Variants in NEK10 observed in about 807,000 individuals in gnomAD.
The protein encoded by NEK10 is NIMA related kinase 10.
A neutral mutation model predicts 159.8 loss-of-function variants in NEK10; 122 were observed. The ratio of observed to expected loss-of-function variants is 0.76; its 90% CI spans 0.66 to 0.89. The LOEUF (loss-of-function observed/expected upper bound fraction) is 0.89. NEK10 is among the 40% of genes least tolerant of loss of function. NEK10 has a pLI of 0.00. For synonymous variants in NEK10, 466 were observed against 457.1 expected (o/e 1.02, Z -0.25); for missense variants, 1,342 against 1,323.1 (o/e 1.01, Z -0.22).
chr3:27,259,266 T>C (rs2149340818), intron 22 of NEK10, among the ~76,000 whole-genome samples: 1 of 152,366 alleles, frequency 6.6e-6, no homozygotes, highest in Non-Finnish European at 1.5e-5. Flanking sequence ...CCATTGCTTT[T>C]GGTGTTTTAG....
intron 28 of NEK10, among the ~76,000 whole-genome samples, chr3:27,172,356 A>C (rs546960314): frequency 0.016 from 2,322 of 149,218 alleles, 75 homozygotes; most frequent in African/African-American, 0.055. Flanking sequence ...AAAAAAAAAA[A>C]AAACTTAAAA....
chr3:27,163,359 C>CTT (rs541857386), intron 29 of NEK10, among the ~76,000 whole-genome samples: 8 of 145,492 alleles, frequency 5.5e-5, no homozygotes, highest in Non-Finnish European at 1.2e-4. Context: ...ACCAATTTTT[C>CTT]TTTTTTTTTT....
At chr3:27,196,840 T>C (rs1949602404) in intron 25 of NEK10, among the ~76,000 whole-genome samples, 1 of 152,190 alleles carries the variant, frequency 6.6e-6, no homozygotes, top group African/African-American at 2.4e-5. Flanking sequence ...TTTAATGTAC[T>C]TTCCAAAAAA....
chr3:27,143,674 C>T (rs1944005202), intron 30 of NEK10, among the ~76,000 whole-genome samples: 1 of 152,022 alleles, frequency 6.6e-6, no homozygotes, highest in Admixed American at 6.6e-5. Context: ...ATTACGCATG[C>T]CCCTATAAAA....
intron 23 of NEK10, among the ~76,000 whole-genome samples, chr3:27,233,264 A>G (rs942714639): frequency 2.6e-5 from 4 of 152,068 alleles, no homozygotes; most frequent in Admixed American, 2.6e-4. Context: ...AAGAAGACAT[A>G]GAAACAACCA....
intron 28 of NEK10, among the ~76,000 whole-genome samples, chr3:27,174,082 T>G (rs1184669889): frequency 1.3e-5 from 2 of 152,198 alleles, no homozygotes; most frequent in East Asian, 3.8e-4. Flanking sequence ...CAGGACCAAT[T>G]TCTTCTACAG....
intron 5 of NEK10, among the ~76,000 whole-genome samples, chr3:27,324,798 C>A (rs1201295657): frequency 6.6e-6 from 1 of 152,186 alleles, no homozygotes; most frequent in Non-Finnish European, 1.5e-5. Flanking sequence ...AGAATAAAAA[C>A]CAAAGTCCAT....
chr3:27,255,970 T>G (rs1381654050), intron 23 of NEK10, among the ~76,000 whole-genome samples: 1 of 152,138 alleles, frequency 6.6e-6, no homozygotes, highest in African/African-American at 2.4e-5. Flanking sequence ...TCATGTTGGG[T>G]AGCATATCTA....
chr3:27,327,955 A>G (rs1184654560), intron 5 of NEK10, among the ~76,000 whole-genome samples: 1 of 151,696 alleles, frequency 6.6e-6, no homozygotes, highest in Non-Finnish European at 1.5e-5. Context: ...AAACAAGAAT[A>G]TATGTGAAGA....
At chr3:27,160,819 T>C (rs946727901) in intron 30 of NEK10, among the ~76,000 whole-genome samples, 1 of 152,042 alleles carries the variant, frequency 6.6e-6, no homozygotes, top group Non-Finnish European at 1.5e-5. Flanking sequence ...GGCAGGAGAA[T>C]TGCCTGAACC....
chr3:27,291,897 C>T (rs1336674505), intron 16 of NEK10, among the ~76,000 whole-genome samples: 1 of 152,194 alleles, frequency 6.6e-6, no homozygotes. Flanking sequence ...CCGTCTTGGC[C>T]TCCCAAAGTG....
intron 1 of NEK10, among the ~76,000 whole-genome samples, chr3:27,359,738 G>A (rs2048550565): frequency 6.6e-6 from 1 of 152,040 alleles, no homozygotes; most frequent in Admixed American, 6.6e-5. Flanking sequence ...CTGAGTGAAG[G>A]GTATATGGGA....
rs116180169 is a variant in NEK10, at chr3:27,286,727, A to T, written c.1789+971T>A. Among the ~76,000 whole-genome samples, 854 of 152,036 alleles carry T rather than the reference A, an allele frequency of 5.6e-3. 6 individuals carry two copies. The highest frequency in any genetic ancestry group is 0.019 in the African/African-American group (800 of 41,448). ...TCTTTTTGGAAGCTGTCAGGTAGTA[A>T]AAAACGTTTTTGTTTTTTATATTAA... On this transcript the variant is annotated intron_variant, in intron 20 of 35. Transcript: ENST00000691995.
chr3:27,194,973 T>A (rs1949439902), intron 25 of NEK10, among the ~76,000 whole-genome samples: 1 of 152,164 alleles, frequency 6.6e-6, no homozygotes, highest in South Asian at 2.1e-4. Flanking sequence ...TTTGAAGGCC[T>A]GCTAGGAAAG....
intron 30 of NEK10, among the ~76,000 whole-genome samples, chr3:27,156,839 C>T (rs1945484719): frequency 6.7e-6 from 1 of 149,124 alleles, no homozygotes; most frequent in Non-Finnish European, 1.5e-5. Context: ...AAGATACTTG[C>T]CCATGCATGT....
At chr3:27,298,848 CT>C (rs1162395354) in intron 13 of NEK10, among the ~76,000 whole-genome samples, 1 of 152,086 alleles carries the variant, frequency 6.6e-6, no homozygotes, top group Non-Finnish European at 1.5e-5. Context: ...GAACTTTGAA[CT>C]TGAGAGAAAT....
intron 32 of NEK10, among the ~76,000 whole-genome samples, chr3:27,122,735 T>C (rs903343560): frequency 6.6e-5 from 10 of 152,170 alleles, no homozygotes; most frequent in Non-Finnish European, 1.5e-4. Flanking sequence ...GTTTATACCT[T>C]GGAATTCTAA....
At chr3:27,120,744 A>C (rs1247571933) in intron 32 of NEK10, among the ~76,000 whole-genome samples, 2 of 152,178 alleles carry the variant, frequency 1.3e-5, no homozygotes, top group Non-Finnish European at 2.9e-5. Flanking sequence ...GTATTTATTA[A>C]AGTTTCAATC....
At chr3:27,282,931 T>C (rs1042329703) in intron 22 of NEK10, among the ~76,000 whole-genome samples, 4 of 151,970 alleles carry the variant, frequency 2.6e-5, no homozygotes, top group Non-Finnish European at 5.9e-5. Context: ...TAATTTCAAA[T>C]GATTAAGCAA....
Sources: gnomAD v4.1 joint callset for allele counts (sites outside exome capture counted in the v4.1 genomes callset) on GRCh38, gnomAD v4.1.1 for gene constraint, MANE v1.5 for transcripts, NCBI Gene and HGNC (gene_info 2026-07-23, HGNC 2026-07-21) for gene names.